Variants in RPTOR observed in about 807,000 individuals in gnomAD.
RPTOR encodes regulatory associated protein of MTOR complex 1.
Under a neutral mutation model 169.9 loss-of-function variants are expected in RPTOR, and 21 were observed. The ratio of observed to expected loss-of-function variants is 0.12; its 90% CI spans 0.09 to 0.18. The LOEUF (loss-of-function observed/expected upper bound fraction) is 0.18, where lower values mean the gene tolerates loss of function less well. RPTOR is among the 10% of genes least tolerant of loss of function. The pLI, the probability that RPTOR is intolerant of heterozygous loss-of-function variation, is 1.00. For missense variants in RPTOR, 1,133 were observed against 1,855.9 expected (o/e 0.61, Z 7.16); for synonymous variants, 732 against 753.2 (o/e 0.97, Z 0.46).
At chr17:80,907,869 G>T (rs1433357356) in intron 20 of RPTOR, among the ~76,000 whole-genome samples, 1 of 152,160 alleles carries the variant, frequency 6.6e-6, no homozygotes, top group African/African-American at 2.4e-5. Context: ...TCTTCCACCA[G>T]GCCTTCCTGG....
rs756149294 is a variant in RPTOR, at chr17:80,960,227, C to T, written c.3605+22C>T. On this transcript the variant is annotated intron_variant, in intron 30 of 33. Transcript: ENST00000306801. This position sits in a 1 kb window ranked among gnomAD's most constrained non-coding sequence, Gnocchi z 4.8. ...AATGGTACCTTGACCCTGTCCTCTC[C>T]CTCCCCGAGTGCTGGCAGGGTACCT... is the stretch of plus-strand genomic sequence containing the variant. The T allele has an allele frequency of 2.5e-6, 4 of 1,612,772 alleles. No individual in the cohort carries two copies. The highest frequency in any genetic ancestry group is 2.5e-6 in the Non-Finnish European group (3 of 1,179,570).
intron 1 of RPTOR, among the ~76,000 whole-genome samples, chr17:80,546,440 G>A (rs1021241482): frequency 1.3e-5 from 2 of 152,136 alleles, no homozygotes; most frequent in African/African-American, 4.8e-5. Flanking sequence ...TAGGGTGTCC[G>A]CATGGTGTTT....
intron 19 of RPTOR, 146 bp from the exon 20 acceptor site, chr17:80,893,560 CA>C: frequency 1.0e-6 from 1 of 983,244 alleles, no homozygotes; most frequent in East Asian, 2.8e-5. Context: ...GTGTGCGCAC[CA>C]GGGTGTGTGT....
At chr17:80,864,862 G>C (rs2067968961) in intron 13 of RPTOR, among the ~76,000 whole-genome samples, 1 of 151,842 alleles carries the variant, frequency 6.6e-6, no homozygotes, top group South Asian at 2.1e-4. Flanking sequence ...TTCCTTACGA[G>C]ACAAGGTCTC....
In RPTOR at chr17:80,853,487, C is replaced by T. The variant is rs77211702; in HGVS notation, c.1315-1977C>T. On this transcript the variant is annotated intron_variant, in intron 11 of 33. Transcript: ENST00000306801. ...TTTGTTTAATGTCTGTCTCCCAGGC[C>T]ACATGAAGGATGGGTGAGGTGGTCC... Among the ~76,000 whole-genome samples, 666 of 152,242 alleles carry T rather than the reference C, an allele frequency of 4.4e-3. 10 individuals carry two copies. In the East Asian group the frequency reaches 0.074, roughly 17 times the overall value.
chr17:80,893,715 G>A lies in RPTOR; in HGVS notation c.2251G>A (p.Ala751Thr), dbSNP rs371707022. The A allele has an allele frequency of 2.7e-5, 43 of 1,609,294 alleles. No homozygotes were observed. Among genetic ancestry groups the A allele is most frequent in the Middle Eastern group, 1.7e-4 (1 of 6,048 alleles). ...NLSLTEESGGAVAFSPGNLST... is the reference protein window; with the variant it reads ...NLSLTEESGGTVAFSPGNLST... ...CGTTGCGTCTCGGGCAGCTGGTGGC[G>A]CGGTGGCGTTCTCCCCCGGAAACCT... The change falls in exon 20 of 34, where the codon GCG becomes ACG. Residue 751 changes from alanine to threonine, a missense_variant. Physicochemically the swap from Ala to Thr is moderately conservative, Grantham distance 58. Transcript: ENST00000306801.
intron 4 of RPTOR, chr17:80,709,085 G>A: frequency 1.0e-6 from 1 of 985,502 alleles, no homozygotes; most frequent in Non-Finnish European, 1.2e-6. Flanking sequence ...CCTGGACACT[G>A]AGGAGTAGCC....
chr17:80,677,690 C>T (rs142568535), intron 3 of RPTOR, among the ~76,000 whole-genome samples: 33 of 152,322 alleles, frequency 2.2e-4, no homozygotes, highest in African/African-American at 7.0e-4. Context: ...ATTCATGCAT[C>T]GAGTCTTGCT....
intron 6 of RPTOR, among the ~76,000 whole-genome samples, chr17:80,787,291 T>C (rs937418074): frequency 8.5e-5 from 13 of 152,364 alleles, no homozygotes; most frequent in Middle Eastern, 6.8e-3. Flanking sequence ...ATTGTGTTGC[T>C]CATGTTCCTC....
chr17:80,740,726 A>C (rs909801101), intron 5 of RPTOR, among the ~76,000 whole-genome samples: 9 of 152,200 alleles, frequency 5.9e-5, no homozygotes, highest in East Asian at 3.8e-4. Flanking sequence ...AACAAACAAA[A>C]AAAAAACTTT....
At chr17:80,904,888 C>T (rs1233860458) in intron 20 of RPTOR, among the ~76,000 whole-genome samples, 1 of 152,242 alleles carries the variant, frequency 6.6e-6, no homozygotes, top group Admixed American at 6.5e-5. Context: ...ATAAAATCCA[C>T]TGTCACTAAA....
At chr17:80,554,559 C>G (rs146243452) in intron 1 of RPTOR, among the ~76,000 whole-genome samples, 2 of 151,922 alleles carry the variant, frequency 1.3e-5, no homozygotes, top group Admixed American at 6.6e-5. Context: ...CTGGCTAACA[C>G]GATGAAACCC....
At chr17:80,598,882 T>TTCAATCTATCTA (rs1555593591) in intron 1 of RPTOR, among the ~76,000 whole-genome samples, 1 of 146,758 alleles carries the variant, frequency 6.8e-6, no homozygotes, top group African/African-American at 2.5e-5. Flanking sequence ...TCTTGATTCT[T>TTCAATCTATCTA]TCTATCTATC....
At chr17:80,729,110 A>G (rs2066366867) in intron 4 of RPTOR, among the ~76,000 whole-genome samples, 1 of 152,220 alleles carries the variant, frequency 6.6e-6, no homozygotes. Context: ...TCTGAAATGT[A>G]ACTTTTGTCT....
At chr17:80,738,976 A>T (rs2066458266) in intron 5 of RPTOR, among the ~76,000 whole-genome samples, 1 of 111,568 alleles carries the variant, frequency 9.0e-6, no homozygotes, top group African/African-American at 3.5e-5. Context: ...AAATTCTTAG[A>T]GTTTAACCTT....
intron 5 of RPTOR, among the ~76,000 whole-genome samples, chr17:80,738,829 T>C (rs182248683): frequency 9.6e-4 from 146 of 152,354 alleles, no homozygotes; most frequent in Middle Eastern, 3.4e-3. Context: ...TTTAGATGTA[T>C]CCATGATGCA....
intron 5 of RPTOR, among the ~76,000 whole-genome samples, chr17:80,737,265 C>T (rs561081358): frequency 1.3e-5 from 2 of 152,168 alleles, no homozygotes; most frequent in Non-Finnish European, 2.9e-5. Flanking sequence ...GGGCCTTGCT[C>T]GATGGGAAGT....
chr17:80,920,046 C>G (rs1017896192), intron 21 of RPTOR, among the ~76,000 whole-genome samples: 7 of 152,244 alleles, frequency 4.6e-5, no homozygotes, highest in South Asian at 4.1e-4. Flanking sequence ...GCCGTGCCCT[C>G]TCTGTTCACC....
chr17:80,779,258 T>G (rs754887597), intron 6 of RPTOR, among the ~76,000 whole-genome samples: 2 of 152,170 alleles, frequency 1.3e-5, no homozygotes, highest in Non-Finnish European at 2.9e-5. Flanking sequence ...ACCAAAATTG[T>G]CCATGAGGTA....
Sources: gnomAD v4.1 joint callset for allele counts (sites outside exome capture counted in the v4.1 genomes callset) on GRCh38, gnomAD v4.1.1 for gene constraint, Gnocchi (gnomAD v3.1) non-coding constraint, MANE v1.5 for transcripts, NCBI Gene and HGNC (gene_info 2026-07-23, HGNC 2026-07-21) for gene names.